The following RAB38 variants were observed in gnomAD, a reference collection of about 807,000 sequenced individuals.
RAB38 encodes the protein RAB38, member RAS oncogene family, also known as ras-related protein Rab-38.
RAB38 carries 15 observed loss-of-function variants against 18.4 expected under a neutral mutation model. The observed-to-expected ratio is 0.82, with a 90% CI of 0.55 to 1.26. RAB38 has a LOEUF of 1.26. Among genes scored for constraint, RAB38 ranks in the 50% most tolerant of loss-of-function variants. The probability of loss-of-function intolerance (pLI) is 0.00; values close to 1 mark genes in which losing one functional copy is unlikely to be tolerated. For missense variants in RAB38, 294 were observed against 267.4 expected, an observed-to-expected ratio of 1.10 and a Z score of -0.69; for synonymous variants, 101 against 104.4, an observed-to-expected ratio of 0.97 and a Z score of 0.20.
chr11:88,108,953 T>C (rs1224302015), downstream of RAB38, among the ~76,000 whole-genome samples: 1 of 152,210 alleles, frequency 6.6e-6, no homozygotes, highest in Non-Finnish European at 1.5e-5. Flanking sequence ...TTAAGAATGT[T>C]GAGTATTGGC....
chr11:87,834,193 A>G, the RAB38 span, among the ~76,000 whole-genome samples: 1 of 152,194 alleles, frequency 6.6e-6, no homozygotes, highest in Non-Finnish European at 1.5e-5. Context: ...AGGAGCAAAG[A>G]CCAGCCACCA....
chr11:88,103,869 T>A, the RAB38 span, among the ~76,000 whole-genome samples: 1 of 152,130 alleles, frequency 6.6e-6, no homozygotes, highest in African/African-American at 2.4e-5. Flanking sequence ...AGTGCTTTTT[T>A]TCTGGCTTCT....
At chr11:88,137,372 T>A (rs1371590251) in intron 2 of RAB38, among the ~76,000 whole-genome samples, 3 of 152,180 alleles carry the variant, frequency 2.0e-5, no homozygotes, top group Non-Finnish European at 4.4e-5. Flanking sequence ...TAATTCAGCA[T>A]CTTCACAAAT....
the RAB38 span, among the ~76,000 whole-genome samples, chr11:88,009,496 A>G: frequency 1.8e-4 from 27 of 152,344 alleles, no homozygotes; most frequent in East Asian, 2.9e-3. Flanking sequence ...CTTATCCTGC[A>G]TAGAAGCTGT....
the RAB38 span, among the ~76,000 whole-genome samples, chr11:87,942,997 A>C: frequency 6.6e-6 from 1 of 152,172 alleles, no homozygotes; most frequent in African/African-American, 2.4e-5. Flanking sequence ...GGGGCTCTAA[A>C]ATCCAGAAAA....
At chr11:87,847,269 AAG>A in the RAB38 span, among the ~76,000 whole-genome samples, 1 of 152,096 alleles carries the variant, frequency 6.6e-6, no homozygotes, top group Admixed American at 6.6e-5. Context: ...TCATGAGTAA[AAG>A]AGAATACAAA....
chr11:87,836,762 C>A, the RAB38 span, among the ~76,000 whole-genome samples: 3 of 152,146 alleles, frequency 2.0e-5, no homozygotes, highest in Non-Finnish European at 2.9e-5. Flanking sequence ...CTTCTGTGAT[C>A]TTACCTCTTC....
chr11:87,934,446 G>A, the RAB38 span, among the ~76,000 whole-genome samples: 228 of 152,196 alleles, frequency 1.5e-3, no homozygotes, highest in Non-Finnish European at 2.3e-3. Context: ...TAGGTAGCCT[G>A]GCAGAAAATC....
chr11:87,814,520 T>A, the RAB38 span, among the ~76,000 whole-genome samples: 2 of 152,312 alleles, frequency 1.3e-5, no homozygotes, highest in African/African-American at 4.8e-5. Flanking sequence ...AATGTATAAG[T>A]GCTAGTTGGT....
At chr11:87,901,408 T>C in the RAB38 span, among the ~76,000 whole-genome samples, 1 of 151,610 alleles carries the variant, frequency 6.6e-6, no homozygotes, top group Non-Finnish European at 1.5e-5. Context: ...CAGAATTGTT[T>C]TGGAGAACTT....
chr11:88,151,913 C>T (rs576958870), intron 1 of RAB38, among the ~76,000 whole-genome samples: 4 of 152,140 alleles, frequency 2.6e-5, no homozygotes, highest in Non-Finnish European at 5.9e-5. Flanking sequence ...CAGCACATGA[C>T]AATCTTACAG....
chr11:88,133,775 A>C (rs1482491497), intron 2 of RAB38, among the ~76,000 whole-genome samples: 1 of 152,242 alleles, frequency 6.6e-6, no homozygotes, highest in East Asian at 1.9e-4. Flanking sequence ...ACTCAGAAGA[A>C]TAGCATAGAA....
chr11:87,878,764 G>A, the RAB38 span, among the ~76,000 whole-genome samples: 86,199 of 151,442 alleles, frequency 0.57, 26,667 homozygotes, highest in Non-Finnish European at 0.7. Flanking sequence ...AAAGCAATGT[G>A]CTCACCAGGT....
chr11:88,054,861 A>G, the RAB38 span, among the ~76,000 whole-genome samples: 1 of 152,228 alleles, frequency 6.6e-6, no homozygotes, highest in African/African-American at 2.4e-5. Flanking sequence ...TAAGTCTACC[A>G]TGGTCCTAAG....
At chr11:88,068,084 A>T in the RAB38 span, among the ~76,000 whole-genome samples, 1 of 151,316 alleles carries the variant, frequency 6.6e-6, no homozygotes, top group Non-Finnish European at 1.5e-5. Context: ...AAATTCTACA[A>T]AACACTCCTC....
the RAB38 span, among the ~76,000 whole-genome samples, chr11:88,031,596 G>A: frequency 1.9e-3 from 291 of 151,912 alleles, no homozygotes; most frequent in Admixed American, 4.2e-3. Flanking sequence ...CAGACAAACA[G>A]AGAGCCAAAT....
chr11:88,043,491 G>C, the RAB38 span, among the ~76,000 whole-genome samples: 1 of 151,980 alleles, frequency 6.6e-6, no homozygotes, highest in East Asian at 1.9e-4. Flanking sequence ...ACAGAAGAAT[G>C]ACAAAAGAAG....
chr11:88,109,832 C>G (rs1222535473), downstream of RAB38, among the ~76,000 whole-genome samples: 1 of 152,144 alleles, frequency 6.6e-6, no homozygotes, highest in Non-Finnish European at 1.5e-5. Context: ...CATCTAATGC[C>G]AGTTAGAATG....
chr11:87,967,462 A>G, the RAB38 span, among the ~76,000 whole-genome samples: 222 of 152,310 alleles, frequency 1.5e-3, 2 homozygotes, highest in Admixed American at 6.2e-3. Flanking sequence ...TAATTTTAAA[A>G]TATCTTCATG....
Sources: gnomAD v4.1 joint callset for allele counts (sites outside exome capture counted in the v4.1 genomes callset) on GRCh38, gnomAD v4.1.1 for gene constraint, MANE v1.5 for transcripts, NCBI Gene and HGNC (gene_info 2026-07-23, HGNC 2026-07-21) for gene names.